PDXDC1: variants seen among roughly 807,000 people sequenced by gnomAD.
PDXDC1 encodes the protein pyridoxal-dependent decarboxylase domain-containing protein 1.
PDXDC1 carries 42 observed loss-of-function variants against 100.1 expected under a neutral mutation model. The ratio of observed to expected loss-of-function variants is 0.42; its 90% CI spans 0.33 to 0.54. The LOEUF (loss-of-function observed/expected upper bound fraction) is 0.54. Ranked by LOEUF, PDXDC1 falls within the 20% of genes least tolerant of loss-of-function variation. The pLI, the probability that PDXDC1 is intolerant of heterozygous loss-of-function variation, is 0.10. For missense variants in PDXDC1, 636 were observed against 979.2 expected (o/e 0.65, Z 4.68); for synonymous variants, 260 against 371.7 (o/e 0.70, Z 3.46).
chr16:15,056,029 C>G, intron 16 of PDXDC1: 1 of 841,228 alleles, frequency 1.2e-6, no homozygotes, highest in African/African-American at 1.8e-5. Context: ...CTTTGCAGCC[C>G]CGGGCCGCCC....
chr16:15,064,399 T>A (rs1380637391), intron 16 of PDXDC1, among the ~76,000 whole-genome samples: 2 of 152,152 alleles, frequency 1.3e-5, no homozygotes, highest in Non-Finnish European at 2.9e-5. Context: ...GGTCTTGAAC[T>A]CCTGACTTCA....
chr16:15,070,471 C>A (rs1270756675), intron 16 of PDXDC1, among the ~76,000 whole-genome samples: 1 of 151,778 alleles, frequency 6.6e-6, no homozygotes, highest in Non-Finnish European at 1.5e-5. Flanking sequence ...TAGCTCTGAC[C>A]TTCTAGGAAC....
Position 15,084,679 on chromosome 16 carries a change from G to A in PDXDC1, c.1400-54200G>A. 6.2e-7 allele frequency: 1 copy of A among 1,613,094 alleles called. No homozygotes were observed. Among genetic ancestry groups the A allele is most frequent in the Non-Finnish European group, 8.5e-7 (1 of 1,179,086 alleles). On this transcript the variant is annotated intron_variant, in intron 16 of 16. Coordinates refer to the PDXDC1 transcript ENST00000535621. ...CTTGCTATTATTTGCAAGGCTCTGT[G>A]ACATGTGTCAAAATTTGCAGGAAGA... is the stretch of plus-strand genomic sequence containing the variant.
chr16:15,009,309 T>G, intron 7 of PDXDC1: 1 of 336,844 alleles, frequency 3.0e-6, no homozygotes, highest in Non-Finnish European at 5.1e-6. Flanking sequence ...TTAGAGTTTT[T>G]TATTTCTTTT....
At chr16:15,021,479 T>C (rs1302628543) in intron 12 of PDXDC1, among the ~76,000 whole-genome samples, 1 of 152,288 alleles carries the variant, frequency 6.6e-6, no homozygotes, top group Non-Finnish European at 1.5e-5. Flanking sequence ...GCTCACTTCT[T>C]GAGATGTGGT....
intron 16 of PDXDC1, chr16:15,131,591 T>A: frequency 6.2e-7 from 1 of 1,604,000 alleles, no homozygotes; most frequent in Non-Finnish European, 8.5e-7. Flanking sequence ...AGGATGCGCA[T>A]GAGGGCAGAG....
downstream of PDXDC1, among the ~76,000 whole-genome samples, chr16:15,042,718 C>CTACTTATTTATTTATT (rs2043871657): frequency 6.8e-6 from 1 of 147,004 alleles, no homozygotes; most frequent in Admixed American, 6.9e-5. Context: ...AAAGGATGAA[C>CTACTTATTTATTTATT]TATTTATTTA....
intron 1 of PDXDC1, among the ~76,000 whole-genome samples, chr16:14,990,826 C>G (rs1162404196): frequency 4.2e-4 from 64 of 152,364 alleles, no homozygotes; most frequent in Middle Eastern, 3.4e-3. Flanking sequence ...CTGCAGCCTC[C>G]GCCTCCTGGG....
intron 16 of PDXDC1, among the ~76,000 whole-genome samples, chr16:15,083,082 G>C (rs2045771017): frequency 6.6e-6 from 1 of 152,202 alleles, no homozygotes; most frequent in East Asian, 1.9e-4. Flanking sequence ...TCAGTTTAAA[G>C]TCTAGAAGAC....
chr16:14,993,013 A>G lies in PDXDC1; in HGVS notation c.22-4740A>G, dbSNP rs575106224. On this transcript the variant is annotated intron_variant, in intron 1 of 22. Coordinates refer to ENST00000396410, the MANE Select transcript of PDXDC1 (RefSeq NM_015027.4). The stretch of plus-strand genomic sequence containing the variant: ...TCTACAGGTGTGCACCACCACACCC[A>G]GCTAATTTATTTCTCACTATGTTGC... Among the ~76,000 whole-genome samples the G allele has an allele frequency of 2.6e-5, 4 of 152,364 alleles. No individual in the cohort carries two copies. In the East Asian group the frequency reaches 7.7e-4, roughly 29 times the overall value.
intron 16 of PDXDC1, among the ~76,000 whole-genome samples, chr16:15,101,717 G>T (rs2046556404): frequency 6.7e-6 from 1 of 148,640 alleles, no homozygotes; most frequent in Non-Finnish European, 1.5e-5. Context: ...TTTTGCCCAG[G>T]TTAGAGTGCA....
chr16:15,144,640 C>G, the PDXDC1 span, among the ~76,000 whole-genome samples: 1 of 152,212 alleles, frequency 6.6e-6, no homozygotes, highest in African/African-American at 2.4e-5. Context: ...CAGATCCCTC[C>G]CATGGCTCAA....
intron 14 of PDXDC1, among the ~76,000 whole-genome samples, chr16:15,028,197 A>G (rs1487748054): frequency 1.3e-5 from 2 of 152,268 alleles, no homozygotes; most frequent in Non-Finnish European, 2.9e-5. Context: ...TCCGCGCTCC[A>G]GAACACTCTG....
chr16:15,004,591 AG>A (rs1973873374), intron 5 of PDXDC1, among the ~76,000 whole-genome samples: 1 of 152,290 alleles, frequency 6.6e-6, no homozygotes, highest in Non-Finnish European at 1.5e-5. Flanking sequence ...TGTGTTTGAT[AG>A]GGTCAGCAGT....
chr16:15,001,122 AG>A (rs1256312331), intron 3 of PDXDC1, among the ~76,000 whole-genome samples: 15 of 152,260 alleles, frequency 9.9e-5, no homozygotes, highest in Admixed American at 3.9e-4. Context: ...TTGGAGGCTG[AG>A]GCAGGAGGAT....
At chr16:15,101,317 T>C (rs1300244009) in intron 16 of PDXDC1, among the ~76,000 whole-genome samples, 2 of 151,604 alleles carry the variant, frequency 1.3e-5, no homozygotes, top group Non-Finnish European at 3.0e-5. Context: ...GTCTTTTTTG[T>C]TTGTTTGTTT....
chr16:15,091,360 A>G, intron 16 of PDXDC1: 27 of 1,591,280 alleles, frequency 1.7e-5, no homozygotes, highest in Non-Finnish European at 2.3e-5. Context: ...ACTCAAAGTC[A>G]TTTGTTTCAC....
At chr16:14,976,088 A>G (rs192257136) in intron 1 of PDXDC1, among the ~76,000 whole-genome samples, 18 of 152,402 alleles carry the variant, frequency 1.2e-4, no homozygotes, top group Admixed American at 3.3e-4. Context: ...ACGGATTCTC[A>G]TTGTCCCAGT....
chr16:15,074,592 C>T lies in PDXDC1; in HGVS notation c.1399+44536C>T, dbSNP rs987626509. ...GGCAAGTAACTTGACCTCTTTAAAT[C>T]ATCTTAAACTCATACTCAATAGATA... On this transcript the variant is annotated intron_variant, in intron 16 of 16. Transcript: ENST00000535621. 6.9e-6 allele frequency: 4 copies of T among 582,252 alleles called. No homozygotes were observed. In the African/African-American group the frequency reaches 7.7e-5, roughly 11 times the overall value. 36.1% of individuals were successfully genotyped at this position (582,252 alleles called of 1,614,324 possible). A position where few individuals can be genotyped will look rare whatever the true frequency, so the allele number is the denominator to read the frequency against.
Sources: gnomAD v4.1 joint callset for allele counts (sites outside exome capture counted in the v4.1 genomes callset) on GRCh38, gnomAD v4.1.1 for gene constraint, MANE v1.5 for transcripts, NCBI Gene and HGNC (gene_info 2026-07-23, HGNC 2026-07-21) for gene names.